Variants in TSHZ2 observed in about 807,000 individuals in gnomAD.
TSHZ2 encodes teashirt homolog 2.
Under a neutral mutation model 74.4 loss-of-function variants are expected in TSHZ2, and 21 were observed. The ratio of observed to expected loss-of-function variants is 0.28; its 90% confidence interval spans 0.20 to 0.41. The LOEUF (loss-of-function observed/expected upper bound fraction) is 0.41. Among genes scored for constraint, TSHZ2 ranks in the 10% least tolerant of loss-of-function variants. TSHZ2 has a pLI of 1.00. For synonymous variants in TSHZ2, 540 were observed against 515.3 expected, an observed-to-expected ratio of 1.05 and a Z score of -0.65; for missense variants, 1,244 against 1,293.5, an observed-to-expected ratio of 0.96 and a Z score of 0.59.
chr20:53,001,218 G>GTGTGTGTGTGTGTATA (rs1555813579), intron 1 of TSHZ2, among the ~76,000 whole-genome samples: 12 of 145,156 alleles, frequency 8.3e-5, no homozygotes, highest in African/African-American at 2.9e-4. Flanking sequence ...GTGTGTGTGT[G>GTGTGTGTGTGTGTATA]TGTGTGTGTG....
Position 53,001,218 on chromosome 20 carries a change from G to GTGTGTGTGTGTGTGTGTGTATA in TSHZ2, c.40+27904_40+27905insATATGTGTGTGTGTGTGTGTGT, listed in dbSNP as rs1555813583. ...TGCGTTCATGTGCGTGTGTGTGTGTGTGTGTGTGTGTGTGTGTGTGTGTGT... is the reference window on the plus strand; with the variant it reads ...TGCGTTCATGTGCGTGTGTGTGTGTGTGTGTGTGTGTGTGTGTGTATATGTGTGTGTGTGTGTGTGTGTGTGT... On this transcript the variant is annotated intron_variant, in intron 1 of 2. Coordinates refer to ENST00000371497, the MANE Select transcript of TSHZ2 (RefSeq NM_173485.6). Among the ~76,000 whole-genome samples, 828 of 145,232 alleles carry GTGTGTGTGTGTGTGTGTGTATA rather than the reference G, an allele frequency of 5.7e-3. 13 individuals are homozygous for GTGTGTGTGTGTGTGTGTGTATA. Among genetic ancestry groups the GTGTGTGTGTGTGTGTGTGTATA allele is most frequent in the African/African-American group, 0.02 (777 of 38,200 alleles).
chr20:53,325,793 G>A (rs1165558688), intron 2 of TSHZ2, among the ~76,000 whole-genome samples: 2 of 151,898 alleles, frequency 1.3e-5, no homozygotes, highest in African/African-American at 2.4e-5. Context: ...GTTTTGTTTT[G>A]TTTTTTGAGA....
chr20:53,082,453 C>G (rs1490167265), intron 1 of TSHZ2, among the ~76,000 whole-genome samples: 1 of 152,180 alleles, frequency 6.6e-6, no homozygotes, highest in African/African-American at 2.4e-5. Flanking sequence ...GTGTAGAACA[C>G]GCTGATTGCA....
chr20:53,291,834 G>A (rs1345475051), intron 2 of TSHZ2, among the ~76,000 whole-genome samples: 1 of 152,114 alleles, frequency 6.6e-6, no homozygotes, highest in Non-Finnish European at 1.5e-5. Context: ...CCCTACGTTG[G>A]TACATTTGGT....
At chr20:53,362,523 AG>A (rs1981108414) in intron 2 of TSHZ2, among the ~76,000 whole-genome samples, 1 of 152,196 alleles carries the variant, frequency 6.6e-6, no homozygotes, top group Admixed American at 6.5e-5. Flanking sequence ...TAGAAATGTA[AG>A]TACCCTGTAA....
intron 1 of TSHZ2, among the ~76,000 whole-genome samples, chr20:53,125,515 T>C (rs1986924590): frequency 6.6e-6 from 1 of 152,198 alleles, no homozygotes; most frequent in African/African-American, 2.4e-5. Flanking sequence ...ATTACTATTA[T>C]TGAATAATCA....
At chr20:53,239,370 G>A (rs1010993251) in intron 1 of TSHZ2, among the ~76,000 whole-genome samples, 1 of 152,130 alleles carries the variant, frequency 6.6e-6, no homozygotes, top group African/African-American at 2.4e-5. Flanking sequence ...TTCTGGCTAT[G>A]TGCAAGATCT....
intron 1 of TSHZ2, among the ~76,000 whole-genome samples, chr20:53,105,470 C>T (rs1305036451): frequency 1.3e-5 from 2 of 152,082 alleles, no homozygotes; most frequent in Non-Finnish European, 1.5e-5. Flanking sequence ...GGTAAAATCT[C>T]CCCCTGTTGA....
At chr20:53,247,434 T>G (rs996206923) in intron 1 of TSHZ2, among the ~76,000 whole-genome samples, 6 of 152,148 alleles carry the variant, frequency 3.9e-5, no homozygotes, top group African/African-American at 1.4e-4. Context: ...CAAGAGGCCC[T>G]CACTCCAGGC....
intron 2 of TSHZ2, among the ~76,000 whole-genome samples, chr20:53,434,119 C>T (rs1268625376): frequency 1.3e-5 from 2 of 152,184 alleles, no homozygotes; most frequent in African/African-American, 4.8e-5. Context: ...GATTTGCCTA[C>T]TCGGCCTCCC....
intron 1 of TSHZ2, among the ~76,000 whole-genome samples, chr20:53,223,983 T>A (rs997175837): frequency 5.9e-5 from 9 of 152,056 alleles, no homozygotes; most frequent in African/African-American, 1.9e-4. Context: ...GTGGATCATA[T>A]CAACATCTAC....
At position 52,986,250 on chromosome 20, in the gene TSHZ2, T is replaced by G. The variant is rs796570336; in HGVS notation, c.40+12917T>G. On this transcript the variant is annotated intron_variant, in intron 1 of 2. Coordinates refer to ENST00000371497, the MANE Select transcript of TSHZ2 (RefSeq NM_173485.6). The stretch of plus-strand genomic sequence containing the variant: ...ACTAAAAATACAGAAAAAAAAAAAA[T>G]TAGCCGGGCGTGGTGGTGGCACATG... 3.2e-4 allele frequency among the ~76,000 whole-genome samples: 47 copies of G among 148,120 alleles called. 1 individual carries two copies. The highest frequency in any genetic ancestry group is 1.2e-3 in the African/African-American group (47 of 40,076).
chr20:53,033,190 C>T (rs564408749), intron 1 of TSHZ2, among the ~76,000 whole-genome samples: 11 of 152,292 alleles, frequency 7.2e-5, no homozygotes, highest in African/African-American at 2.4e-4. Context: ...ATTGTGCCAT[C>T]ACATAGTAAA....
chr20:53,176,905 T>C (rs1383947490), intron 1 of TSHZ2, among the ~76,000 whole-genome samples: 1 of 152,182 alleles, frequency 6.6e-6, no homozygotes, highest in Admixed American at 6.5e-5. Flanking sequence ...CAGGAAGGTC[T>C]CGAACTCTTG....
chr20:52,972,826 C>CT lies in TSHZ2; in HGVS notation c.-458dup, dbSNP rs536174829. The CT allele has an allele frequency of 0.012, 2,070 of 174,402 alleles. 11 individuals are homozygous for CT. Among genetic ancestry groups the CT allele is most frequent in the East Asian group, 0.066 (496 of 7,550 alleles). The allele number at this position is 174,402 out of a possible 1,614,324, so 10.8% of individuals were successfully genotyped here. ...AAACCCACTACCTTCCCAGGATTGC[C>CT]TTTTTTTTTTCCTTATCTTTACGCG... On this transcript the variant is annotated 5_prime_UTR_variant, in exon 1 of 3. Coordinates refer to ENST00000371497, the MANE Select transcript of TSHZ2 (RefSeq NM_173485.6).
intron 1 of TSHZ2, among the ~76,000 whole-genome samples, chr20:53,180,630 C>T (rs975345217): frequency 2.0e-5 from 3 of 152,134 alleles, no homozygotes; most frequent in Non-Finnish European, 4.4e-5. Flanking sequence ...TGCCAACATC[C>T]TTCTCCTAAC....
At chr20:52,993,594 AT>A (rs1982068960) in intron 1 of TSHZ2, among the ~76,000 whole-genome samples, 3 of 152,252 alleles carry the variant, frequency 2.0e-5, no homozygotes, top group Admixed American at 2.0e-4. Context: ...TGTAACTGCA[AT>A]TGGAATTCTT....
At chr20:53,005,459 A>G (rs1156815981) in intron 1 of TSHZ2, among the ~76,000 whole-genome samples, 1 of 152,178 alleles carries the variant, frequency 6.6e-6, no homozygotes, top group Non-Finnish European at 1.5e-5. Context: ...GCCTAGAGGA[A>G]TGGGAGGTGA....
intron 2 of TSHZ2, among the ~76,000 whole-genome samples, chr20:53,289,630 T>C (rs548198623): frequency 6.6e-6 from 1 of 152,342 alleles, no homozygotes; most frequent in East Asian, 1.9e-4. Flanking sequence ...GAATTATCTA[T>C]TCATGTCCTT....
Sources: allele counts gnomAD v4.1 joint callset (sites outside exome capture counted in the v4.1 genomes callset), GRCh38; gene constraint gnomAD v4.1.1; transcripts MANE v1.5; gene names NCBI Gene and HGNC (gene_info 2026-07-23, HGNC 2026-07-21).